The following UBE2E1 variants were observed in gnomAD, a reference collection of about 807,000 sequenced individuals.
UBE2E1 encodes ubiquitin-conjugating enzyme E2 E1.
In UBE2E1, 6 loss-of-function variants were observed where a neutral mutation model predicts 21.4. The observed-to-expected ratio is 0.28, with a 90% CI of 0.15 to 0.55. UBE2E1 has a LOEUF of 0.55. UBE2E1 is among the 20% of genes least tolerant of loss of function. UBE2E1 has a pLI of 0.93. For synonymous variants in UBE2E1, 87 were observed against 82.7 expected (o/e 1.05, Z -0.28); for missense variants, 142 against 236.5 (o/e 0.60, Z 2.62).
At chr3:23,845,536 T>C (rs1364337588) in intron 3 of UBE2E1, among the ~76,000 whole-genome samples, 1 of 151,836 alleles carries the variant, frequency 6.6e-6, no homozygotes, top group East Asian at 1.9e-4. Context: ...AATTCCTCTT[T>C]TGTCCATCTC....
chr3:23,812,309 T>A (rs571411996), intron 3 of UBE2E1, among the ~76,000 whole-genome samples: 1 of 152,308 alleles, frequency 6.6e-6, no homozygotes, highest in South Asian at 2.1e-4. Flanking sequence ...AAATTAAGTA[T>A]AACATTTAAC....
chr3:23,850,710 G>T (rs1250049995), intron 3 of UBE2E1, among the ~76,000 whole-genome samples: 5 of 147,322 alleles, frequency 3.4e-5, no homozygotes, highest in South Asian at 2.2e-4. Context: ...TTGAGATAGG[G>T]TCTCTTTCTG....
chr3:23,846,383 G>C (rs1370804306), intron 3 of UBE2E1, among the ~76,000 whole-genome samples: 1 of 151,996 alleles, frequency 6.6e-6, no homozygotes, highest in Non-Finnish European at 1.5e-5. Flanking sequence ...GGGCAACATG[G>C]CAAGGCCACA....
chr3:23,872,337 C>A (rs540978207), intron 3 of UBE2E1, among the ~76,000 whole-genome samples: 1 of 148,550 alleles, frequency 6.7e-6, no homozygotes, highest in Admixed American at 6.8e-5. Flanking sequence ...AGTCCAGCTT[C>A]GGCTCGGCAT....
At chr3:23,830,799 C>T (rs1327929709) in intron 3 of UBE2E1, among the ~76,000 whole-genome samples, 2 of 152,224 alleles carry the variant, frequency 1.3e-5, no homozygotes, top group Non-Finnish European at 2.9e-5. Flanking sequence ...ATCAGTATAT[C>T]GTAGAATTTA....
Position 23,842,253 on chromosome 3 carries a change from T to TGTGG in UBE2E1, c.203+30743_203+30744insGTGG, listed in dbSNP as rs1559482500. 1.8e-5 allele frequency among the ~76,000 whole-genome samples: 1 copy of TGTGG among 56,750 alleles called. No individual in the cohort carries two copies. Among genetic ancestry groups the TGTGG allele is most frequent in the African/African-American group, 5.9e-5 (1 of 16,870 alleles). 37.2% of individuals were successfully genotyped at this position (56,750 alleles called of 152,430 possible). A position where few individuals can be genotyped will look rare whatever the true frequency, so the allele number is the denominator to read the frequency against. ...TGTGTGTGTGTGTGTGTGTGTGGTGTTGTTGTTGTTGGCGACAGGGTCTCA... is the reference window on the plus strand; with the variant it reads ...TGTGTGTGTGTGTGTGTGTGTGGTGTGTGGTGTTGTTGTTGGCGACAGGGTCTCA... On this transcript the variant is annotated intron_variant, in intron 3 of 5. Coordinates refer to ENST00000306627, the MANE Select transcript of UBE2E1 (RefSeq NM_003341.5). The surrounding 1 kb of genome is among the most constrained non-coding windows in gnomAD (Gnocchi z 4.6).
rs1352740668 is a variant in UBE2E1 at position 23,842,465 on chromosome 3, T to G, written c.203+30955T>G. 6.6e-6 allele frequency among the ~76,000 whole-genome samples: 1 copy of G among 152,172 alleles called. No homozygotes were observed. The highest frequency in any genetic ancestry group is 1.5e-5 in the Non-Finnish European group (1 of 68,040). On this transcript the variant is annotated intron_variant, in intron 3 of 5. Transcript: ENST00000306627. This position sits in a 1 kb window ranked among gnomAD's most constrained non-coding sequence, Gnocchi z 4.6. Reference sequence around the variant, plus strand: ...TCGTGCCATGTTGCCCGGCCTGTTGTTCGTTTTTCTTTGAAGAATATACCT... The same window carrying G: ...TCGTGCCATGTTGCCCGGCCTGTTGGTCGTTTTTCTTTGAAGAATATACCT...
chr3:23,885,860 T>TAAAAAACAAACAA (rs1208542013), intron 3 of UBE2E1, among the ~76,000 whole-genome samples: 13 of 151,130 alleles, frequency 8.6e-5, no homozygotes. Context: ...AACTCCGCCT[T>TAAAAAACAAACAA]AAAAAACAAA....
chr3:23,845,719 A>G (rs1269387293), intron 3 of UBE2E1, among the ~76,000 whole-genome samples: 1 of 152,030 alleles, frequency 6.6e-6, no homozygotes, highest in African/African-American at 2.4e-5. Context: ...TAAATATTCT[A>G]GGCGTCATAG....
At chr3:23,885,188 A>C (rs545282691) in intron 3 of UBE2E1, among the ~76,000 whole-genome samples, 17 of 152,140 alleles carry the variant, frequency 1.1e-4, no homozygotes, top group Non-Finnish European at 2.4e-4. Flanking sequence ...AAAGTTAGAG[A>C]GCTTTTGAGG....
At position 23,825,496 on chromosome 3, in the gene UBE2E1, T is replaced by C. The variant is rs1699738779; in HGVS notation, c.203+13986T>C. On this transcript the variant is annotated intron_variant, in intron 3 of 5. Transcript: ENST00000306627. ...TGTGCTCATGGAGATTTTATTCATATAGAGGGAGGTACAATAAAAGAAACA... is the reference window on the plus strand; with the variant it reads ...TGTGCTCATGGAGATTTTATTCATACAGAGGGAGGTACAATAAAAGAAACA... Among the ~76,000 whole-genome samples, 4 of 152,292 alleles carry C rather than the reference T, an allele frequency of 2.6e-5. No homozygotes were observed. In the South Asian group the frequency reaches 8.3e-4, roughly 32 times the overall value.
At position 23,807,241 on chromosome 3, in the gene UBE2E1, T is replaced by A. The variant is rs756856856; in HGVS notation, c.-29T>A. 1.2e-6 allele frequency: 2 copies of A among 1,601,320 alleles called. No homozygotes were observed. Among genetic ancestry groups the A allele is most frequent in the Non-Finnish European group, 1.7e-6 (2 of 1,175,524 alleles). On this transcript the variant is annotated 5_prime_UTR_variant, in exon 2 of 6. Transcript: ENST00000306627. Reference sequence around the variant, plus strand: ...TTTGTTTCTCTCCCCCTGCAGGGGCTGTTTGCGGGGTGGGGTGGGGGGTTC... The same window carrying A: ...TTTGTTTCTCTCCCCCTGCAGGGGCAGTTTGCGGGGTGGGGTGGGGGGTTC...
At chr3:23,812,927 C>G (rs897367828) in intron 3 of UBE2E1, among the ~76,000 whole-genome samples, 1 of 151,638 alleles carries the variant, frequency 6.6e-6, no homozygotes, top group African/African-American at 2.4e-5. Context: ...TAATGGCTTT[C>G]TTGTGAATAA....
At chr3:23,811,673 G>C (rs1465707879) in intron 3 of UBE2E1, among the ~76,000 whole-genome samples, 163 bp downstream of exon 3, 3 of 152,076 alleles carry the variant, frequency 2.0e-5, no homozygotes, top group Admixed American at 6.5e-5. Flanking sequence ...ATAATGTTTT[G>C]ATGAGCCTCT....
At chr3:23,885,287 T>C (rs1027941486) in intron 3 of UBE2E1, among the ~76,000 whole-genome samples, 1 of 152,110 alleles carries the variant, frequency 6.6e-6, no homozygotes, top group Admixed American at 6.5e-5. Flanking sequence ...TACCGTCACA[T>C]TGAGGATTAG....
Position 23,842,184 on chromosome 3 carries a change from C to A in UBE2E1, c.203+30674C>A, listed in dbSNP as rs536038392. ...AAGAAAGATTGAACTATGTCATGAC[C>A]CAGTAAGTGAAGGGGTGTGTGTGTG... is the stretch of plus-strand genomic sequence containing the variant. On this transcript the variant is annotated intron_variant, in intron 3 of 5. Coordinates refer to ENST00000306627, the MANE Select transcript of UBE2E1 (RefSeq NM_003341.5). The surrounding 1 kb of genome is among the most constrained non-coding windows in gnomAD (Gnocchi z 4.6). Among the ~76,000 whole-genome samples, 2 of 113,088 alleles carry A rather than the reference C, an allele frequency of 1.8e-5. No individual in the cohort carries two copies. Among genetic ancestry groups the A allele is most frequent in the Non-Finnish European group, 1.9e-5 (1 of 51,854 alleles). 74.2% of individuals were successfully genotyped at this position (113,088 alleles called of 152,430 possible). A position where few individuals can be genotyped will look rare whatever the true frequency, so the allele number is the denominator to read the frequency against.
intron 3 of UBE2E1, among the ~76,000 whole-genome samples, chr3:23,817,084 A>G (rs1699538180): frequency 6.6e-6 from 1 of 152,250 alleles, no homozygotes; most frequent in Non-Finnish European, 1.5e-5. Context: ...CTTAGAAGGC[A>G]ATACTCACAG....
At chr3:23,874,210 G>T (rs1431941330) in intron 3 of UBE2E1, among the ~76,000 whole-genome samples, 1 of 152,178 alleles carries the variant, frequency 6.6e-6, no homozygotes, top group East Asian at 1.9e-4. Flanking sequence ...TCTTTTCTTA[G>T]AATTGAGTAA....
In UBE2E1 at chr3:23,807,511, AC is replaced by A. The variant is rs1699304471; in HGVS notation, c.152+91del. ...CTGCCTCCCAATGAGGATAGCTTAAACGCTCCTCATGGTTTATGTGTTCTTA... is the reference window on the plus strand; with the variant it reads ...CTGCCTCCCAATGAGGATAGCTTAAAGCTCCTCATGGTTTATGTGTTCTTA... On this transcript the variant is annotated intron_variant, in intron 2 of 5. Coordinates refer to ENST00000306627, the MANE Select transcript of UBE2E1 (RefSeq NM_003341.5). The A allele has an allele frequency of 2.7e-6, 4 of 1,497,668 alleles. No individual in the cohort carries two copies. In the East Asian group the frequency reaches 9.1e-5, roughly 34 times the overall value. 92.8% of individuals were successfully genotyped at this position (1,497,668 alleles called of 1,614,324 possible).
Sources: gnomAD v4.1 joint callset for allele counts (sites outside exome capture counted in the v4.1 genomes callset) on GRCh38, gnomAD v4.1.1 for gene constraint, Gnocchi (gnomAD v3.1) non-coding constraint, MANE v1.5 for transcripts, NCBI Gene and HGNC (gene_info 2026-07-23, HGNC 2026-07-21) for gene names.